The following DCT variants were observed in gnomAD, a reference collection of about 807,000 sequenced individuals.
DCT encodes the protein dopachrome tautomerase.
A neutral mutation model predicts 53.0 loss-of-function variants in DCT; 47 were observed. That is an observed-to-expected ratio of 0.89 (90% confidence interval 0.70 to 1.13). DCT has a LOEUF of 1.13. Ranked by LOEUF, DCT falls within the 50% of genes most tolerant of loss-of-function variation. The probability of loss-of-function intolerance (pLI) is 0.00; values close to 1 mark genes in which losing one functional copy is unlikely to be tolerated. For missense variants in DCT, 669 were observed against 637.4 expected (o/e 1.05, Z -0.53); for synonymous variants, 244 against 237.0 (o/e 1.03, Z -0.27).
At chr13:94,491,498 G>A in the DCT span, among the ~76,000 whole-genome samples, 1 of 152,124 alleles carries the variant, frequency 6.6e-6, no homozygotes, top group Non-Finnish European at 1.5e-5. Flanking sequence ...GGGTTACTCA[G>A]GGTTTGGGCT....
the DCT span, among the ~76,000 whole-genome samples, chr13:94,543,558 C>T: frequency 9.2e-5 from 14 of 152,270 alleles, no homozygotes; most frequent in East Asian, 2.1e-3. Flanking sequence ...TTTATCTGAG[C>T]CCATTCCTTC....
At chr13:94,530,220 C>T in the DCT span, among the ~76,000 whole-genome samples, 2 of 152,202 alleles carry the variant, frequency 1.3e-5, no homozygotes, top group Non-Finnish European at 1.5e-5. Flanking sequence ...CAAAGAGGAG[C>T]TGGGACCATT....
At chr13:94,492,296 C>G in the DCT span, among the ~76,000 whole-genome samples, 7 of 152,302 alleles carry the variant, frequency 4.6e-5, no homozygotes, top group African/African-American at 1.7e-4. Flanking sequence ...ATCACATGCC[C>G]CTCCCTCTCT....
chr13:94,478,154 C>T (rs1885222568), intron 1 of DCT, among the ~76,000 whole-genome samples: 1 of 105,330 alleles, frequency 9.5e-6, no homozygotes, highest in Admixed American at 1.1e-4. Context: ...CAACCCCCCG[C>T]CCGCCCCCCC....
At chr13:94,491,122 T>C in the DCT span, among the ~76,000 whole-genome samples, 1 of 152,078 alleles carries the variant, frequency 6.6e-6, no homozygotes, top group South Asian at 2.1e-4. Context: ...CTGGGAACCA[T>C]AGAGAGTAAA....
chr13:94,504,572 T>C, the DCT span, among the ~76,000 whole-genome samples: 1 of 152,164 alleles, frequency 6.6e-6, no homozygotes, highest in Non-Finnish European at 1.5e-5. Context: ...TTTCATCTTG[T>C]TGGCCAGGCT....
chr13:94,480,953 G>A (rs896033353), upstream of DCT, among the ~76,000 whole-genome samples: 10 of 152,260 alleles, frequency 6.6e-5, no homozygotes, highest in African/African-American at 2.2e-4. Flanking sequence ...AAGGCCAGAA[G>A]TCTAAAATGA....
At chr13:94,537,642 AC>A in the DCT span, among the ~76,000 whole-genome samples, 1,814 of 152,220 alleles carry the variant, frequency 0.012, 40 homozygotes, top group African/African-American at 0.041. Flanking sequence ...AGAAAAAAAA[AC>A]AAATAAAAAC....
At chr13:94,527,953 T>A in the DCT span, among the ~76,000 whole-genome samples, 3 of 152,146 alleles carry the variant, frequency 2.0e-5, no homozygotes, top group African/African-American at 7.2e-5. Flanking sequence ...AATGACCTGA[T>A]GAAGCTGAAA....
chr13:94,445,894 G>C, intron 6 of DCT: 1 of 632,238 alleles, frequency 1.6e-6, no homozygotes, highest in Non-Finnish European at 2.8e-6. Context: ...TGGGGGGGCG[G>C]GGTGAAATGG....
chr13:94,480,349 C>T (rs1042710329), upstream of DCT, among the ~76,000 whole-genome samples: 1 of 152,190 alleles, frequency 6.6e-6, no homozygotes, highest in Admixed American at 6.5e-5. Flanking sequence ...AAAGCAATGC[C>T]TCCTGGTGCT....
At chr13:94,444,362 C>T in intron 6 of DCT, 1 of 514,534 alleles carries the variant, frequency 1.9e-6, no homozygotes, top group Non-Finnish European at 3.9e-6. Context: ...ATTTTTCTCA[C>T]CAGGAATACT....
chr13:94,469,608 C>T (rs1002312074), intron 1 of DCT, among the ~76,000 whole-genome samples: 2 of 152,134 alleles, frequency 1.3e-5, no homozygotes, highest in Non-Finnish European at 2.9e-5. Context: ...GCTGCCTAGT[C>T]TGTGGGATGT....
chr13:94,526,759 T>C, the DCT span, among the ~76,000 whole-genome samples: 12,930 of 152,040 alleles, frequency 0.085, 1,240 homozygotes, highest in African/African-American at 0.24. Context: ...GTCCATCTCA[T>C]TGGGACCGGT....
the DCT span, among the ~76,000 whole-genome samples, chr13:94,507,426 C>T: frequency 6.6e-6 from 1 of 152,050 alleles, no homozygotes; most frequent in Non-Finnish European, 1.5e-5. Context: ...CGAACAGGTG[C>T]AACACCTTTG....
the DCT span, among the ~76,000 whole-genome samples, chr13:94,541,819 A>G: frequency 2.0e-5 from 3 of 152,204 alleles, no homozygotes; most frequent in Non-Finnish European, 4.4e-5. Context: ...TTATGTGTCC[A>G]TAAAAAATGT....
chr13:94,473,265 A>G lies in DCT; in HGVS notation c.296-4220T>C, dbSNP rs149846420. 3.0e-3 allele frequency among the ~76,000 whole-genome samples: 463 copies of G among 152,284 alleles called. 4 individuals are homozygous for G. The highest frequency in any genetic ancestry group is 0.01 in the Middle Eastern group (3 of 294). On this transcript the variant is annotated intron_variant, in intron 1 of 7. Coordinates refer to ENST00000377028, the MANE Select transcript of DCT (RefSeq NM_001922.5). ...TTTTGGTTTTCACCTTCAGTACAGT[A>G]TTTAGTAAATTACATGAGATATTCA...
chr13:94,545,262 C>A, the DCT span, among the ~76,000 whole-genome samples: 3 of 151,992 alleles, frequency 2.0e-5, no homozygotes, highest in African/African-American at 7.2e-5. Flanking sequence ...AACCAAAGAT[C>A]CAAATGGGCC....
chr13:94,538,838 C>T, the DCT span, among the ~76,000 whole-genome samples: 1 of 152,194 alleles, frequency 6.6e-6, no homozygotes. Context: ...AGCTACTCAG[C>T]TGCTTCTCCT....
Sources: gnomAD v4.1 joint callset for allele counts (sites outside exome capture counted in the v4.1 genomes callset) on GRCh38, gnomAD v4.1.1 for gene constraint, MANE v1.5 for transcripts, NCBI Gene and HGNC (gene_info 2026-07-23, HGNC 2026-07-21) for gene names.